AGBL4: variants seen among roughly 807,000 people sequenced by gnomAD.
The protein encoded by AGBL4 is cytosolic carboxypeptidase 6.
AGBL4 carries 58 observed loss-of-function variants against 66.4 expected under a neutral mutation model. The ratio of observed to expected loss-of-function variants is 0.87; its 90% confidence interval spans 0.71 to 1.09. The LOEUF is 1.09. Among genes scored for constraint, AGBL4 ranks in the 50% least tolerant of loss-of-function variants. The probability of loss-of-function intolerance (pLI) is 0.00; values close to 1 mark genes in which losing one functional copy is unlikely to be tolerated. For missense variants in AGBL4, 579 were observed against 631.0 expected (o/e 0.92, Z 0.88); for synonymous variants, 234 against 222.9 (o/e 1.05, Z -0.44).
intron 6 of AGBL4, among the ~76,000 whole-genome samples, chr1:48,800,994 G>A (rs116113167): frequency 0.022 from 3,357 of 151,892 alleles, 63 homozygotes; most frequent in Non-Finnish European, 0.036. Flanking sequence ...TGCTGTGGCC[G>A]CTGTGGGGCA....
intron 6 of AGBL4, among the ~76,000 whole-genome samples, chr1:48,787,420 G>A (rs1645435044): frequency 6.6e-6 from 1 of 152,132 alleles, no homozygotes; most frequent in South Asian, 2.1e-4. Flanking sequence ...GGGTGGGAAT[G>A]TACTAGATCC....
chr1:48,563,640 G>C (rs1167776088), intron 11 of AGBL4, among the ~76,000 whole-genome samples: 1 of 113,256 alleles, frequency 8.8e-6, no homozygotes, highest in African/African-American at 3.2e-5. Flanking sequence ...AAACAGAAAG[G>C]GTGACTTACA....
chr1:48,822,549 T>C (rs919032895), intron 6 of AGBL4, among the ~76,000 whole-genome samples: 1 of 152,266 alleles, frequency 6.6e-6, no homozygotes, highest in African/African-American at 2.4e-5. Flanking sequence ...TTGACCATAT[T>C]TGTGTGGGTA....
intron 3 of AGBL4, among the ~76,000 whole-genome samples, chr1:49,354,033 G>T (rs1230585982): frequency 6.6e-6 from 1 of 152,182 alleles, no homozygotes; most frequent in Non-Finnish European, 1.5e-5. Context: ...GGGTGTAAAA[G>T]GCTGTCACCC....
At chr1:49,501,823 C>T (rs888745252) in intron 3 of AGBL4, among the ~76,000 whole-genome samples, 2 of 151,878 alleles carry the variant, frequency 1.3e-5, no homozygotes, top group East Asian at 1.9e-4. Flanking sequence ...TTTTATTTGT[C>T]TCAAGATATA....
downstream of AGBL4, chr1:48,532,752 T>C (rs1643913261): frequency 6.6e-6 from 1 of 152,164 alleles, no homozygotes; most frequent in South Asian, 2.1e-4. Flanking sequence ...GTCCCTGACC[T>C]CAAAGTCAGG....
At chr1:49,148,025 T>A (rs994590229) in intron 4 of AGBL4, among the ~76,000 whole-genome samples, 2 of 152,114 alleles carry the variant, frequency 1.3e-5, no homozygotes, top group Non-Finnish European at 2.9e-5. Flanking sequence ...GGTAACAAAA[T>A]CACATGGGCT....
chr1:48,935,457 A>T (rs573369533), intron 5 of AGBL4, among the ~76,000 whole-genome samples: 1 of 152,188 alleles, frequency 6.6e-6, no homozygotes, highest in East Asian at 1.9e-4. Flanking sequence ...GCTGCTCGTT[A>T]TTGGCAAGGG....
intron 4 of AGBL4, among the ~76,000 whole-genome samples, chr1:49,170,951 T>C (rs1018662926): frequency 2.0e-5 from 3 of 152,166 alleles, no homozygotes; most frequent in African/African-American, 7.2e-5. Context: ...GAAGCAGATA[T>C]GGCAAGGGCT....
intron 6 of AGBL4, among the ~76,000 whole-genome samples, chr1:48,783,595 ACCT>A (rs1364658576): frequency 2.0e-5 from 3 of 151,976 alleles, no homozygotes; most frequent in Admixed American, 1.3e-4. Context: ...AAGACAATTC[ACCT>A]CCATGAGCCT....
At chr1:49,728,704 T>C (rs1161696974) in intron 2 of AGBL4, among the ~76,000 whole-genome samples, 2 of 152,048 alleles carry the variant, frequency 1.3e-5, no homozygotes, top group South Asian at 2.1e-4. Context: ...AGCCTAGCAA[T>C]AGAGAGCCAT....
chr1:49,995,171 T>C (rs1465956152), intron 1 of AGBL4: 1 of 456,180 alleles, frequency 2.2e-6, no homozygotes, highest in South Asian at 1.5e-5. Context: ...GGAGAGAAGA[T>C]ACAGCACAGA....
intron 3 of AGBL4, among the ~76,000 whole-genome samples, chr1:49,624,947 T>C (rs1317140383): frequency 5.3e-5 from 8 of 152,184 alleles, no homozygotes; most frequent in African/African-American, 1.7e-4. Flanking sequence ...TTTTCCCTAT[T>C]AGTTTTTAAC....
intron 3 of AGBL4, among the ~76,000 whole-genome samples, chr1:49,468,727 T>G (rs1194696912): frequency 2.6e-5 from 4 of 151,900 alleles, no homozygotes; most frequent in Admixed American, 2.0e-4. Context: ...GAATAAATTG[T>G]GTGGAGACCT....
intron 2 of AGBL4, among the ~76,000 whole-genome samples, chr1:49,811,337 T>C (rs17379721): frequency 0.4 from 60,950 of 152,008 alleles, 15,571 homozygotes; most frequent in Non-Finnish European, 0.57. Context: ...TTGTTATTTA[T>C]AGCGCTTAAT....
chr1:49,276,298 C>A (rs80238219), intron 3 of AGBL4, among the ~76,000 whole-genome samples: 2 of 152,002 alleles, frequency 1.3e-5, no homozygotes, highest in Non-Finnish European at 2.9e-5. Flanking sequence ...TGTTTTCTCC[C>A]GCTCCTTTGC....
At chr1:48,913,260 T>C (rs1415081804) in intron 5 of AGBL4, among the ~76,000 whole-genome samples, 1 of 152,086 alleles carries the variant, frequency 6.6e-6, no homozygotes, top group Non-Finnish European at 1.5e-5. Flanking sequence ...AAGGACATTT[T>C]TGGAAGATCA....
chr1:48,581,432 T>C (rs1277508277), intron 11 of AGBL4, among the ~76,000 whole-genome samples: 1 of 152,214 alleles, frequency 6.6e-6, no homozygotes, highest in East Asian at 1.9e-4. Flanking sequence ...AAGGTCTCTG[T>C]TCCCAATGTT....
intron 3 of AGBL4, chr1:49,527,511 A>T (rs769317256): frequency 5.2e-5 from 8 of 152,726 alleles, no homozygotes; most frequent in Non-Finnish European, 1.0e-4. Context: ...ATTTACCTGC[A>T]GACTTTCTTC....
Sources: gnomAD v4.1 joint callset for allele counts (sites outside exome capture counted in the v4.1 genomes callset) on GRCh38, gnomAD v4.1.1 for gene constraint, MANE v1.5 for transcripts, NCBI Gene and HGNC (gene_info 2026-07-23, HGNC 2026-07-21) for gene names.